CHSY3: variants seen among roughly 807,000 people sequenced by gnomAD.
CHSY3 encodes the protein N-acetylgalactosaminyl-proteoglycan 3-beta-glucuronosyltransferase 3.
A neutral mutation model predicts 67.2 loss-of-function variants in CHSY3; 35 were observed. The ratio of observed to expected loss-of-function variants is 0.52; its 90% CI spans 0.40 to 0.69. CHSY3 has a LOEUF of 0.69. Ranked by LOEUF, CHSY3 falls within the 30% of genes least tolerant of loss-of-function variation. The probability of loss-of-function intolerance (pLI) is 0.00; values close to 1 mark genes in which losing one functional copy is unlikely to be tolerated. For synonymous variants in CHSY3, 474 were observed against 434.7 expected (o/e 1.09, Z -1.12); for missense variants, 1,069 against 1,138.5 (o/e 0.94, Z 0.88).
intron 2 of CHSY3, among the ~76,000 whole-genome samples, chr5:130,039,588 G>A (rs1764954240): frequency 7.1e-6 from 1 of 140,128 alleles, no homozygotes; most frequent in African/African-American, 2.5e-5. Flanking sequence ...TTTGAGACAG[G>A]GAGTGCAGTG....
At chr5:129,910,220 C>T (rs1760488585) in intron 2 of CHSY3, among the ~76,000 whole-genome samples, 1 of 151,928 alleles carries the variant, frequency 6.6e-6, no homozygotes, top group East Asian at 1.9e-4. Flanking sequence ...AAAAGAGATT[C>T]CAAGTCTTAC....
chr5:130,118,489 A>G (rs776301857), intron 2 of CHSY3, among the ~76,000 whole-genome samples: 18 of 148,748 alleles, frequency 1.2e-4, no homozygotes, highest in South Asian at 4.2e-4. Context: ...TAATGTATAT[A>G]TGTGTGTGTG....
At chr5:130,149,160 A>G (rs117826619) in intron 2 of CHSY3, among the ~76,000 whole-genome samples, 9 of 152,092 alleles carry the variant, frequency 5.9e-5, no homozygotes, top group East Asian at 1.9e-4. Flanking sequence ...CTCTTACCCA[A>G]TTGCAAAGTT....
chr5:130,000,417 A>T (rs1286675153), intron 2 of CHSY3, among the ~76,000 whole-genome samples: 2 of 152,218 alleles, frequency 1.3e-5, no homozygotes, highest in Admixed American at 6.5e-5. Flanking sequence ...TTTAAACTTT[A>T]TAAAAAATAT....
At chr5:129,920,334 C>A (rs1760878350) in intron 2 of CHSY3, among the ~76,000 whole-genome samples, 1 of 152,244 alleles carries the variant, frequency 6.6e-6, no homozygotes, top group Admixed American at 6.5e-5. Context: ...CAACCTCCGC[C>A]TCCCAAGTTC....
At chr5:129,937,826 C>T (rs540502747) in intron 2 of CHSY3, among the ~76,000 whole-genome samples, 4 of 152,152 alleles carry the variant, frequency 2.6e-5, no homozygotes, top group Non-Finnish European at 5.9e-5. Flanking sequence ...TGTCTCACAT[C>T]CAGGCTACAC....
intron 2 of CHSY3, among the ~76,000 whole-genome samples, chr5:129,974,598 T>C (rs1161335301): frequency 6.6e-6 from 1 of 152,154 alleles, no homozygotes; most frequent in Non-Finnish European, 1.5e-5. Context: ...GTGGTTGGGT[T>C]GCTGGTGCTC....
chr5:130,108,866 A>G (rs925071708), intron 2 of CHSY3, among the ~76,000 whole-genome samples: 3 of 151,702 alleles, frequency 2.0e-5, no homozygotes, highest in African/African-American at 7.2e-5. Context: ...CACCCAGAAT[A>G]GTCCTTTTGT....
chr5:130,151,994 T>G (rs542103984), intron 2 of CHSY3, among the ~76,000 whole-genome samples: 24 of 152,340 alleles, frequency 1.6e-4, no homozygotes, highest in Admixed American at 7.8e-4. Context: ...TGAGGACATA[T>G]CTATGCCAGG....
intron 2 of CHSY3, among the ~76,000 whole-genome samples, chr5:129,912,653 G>A (rs569492861): frequency 8.5e-5 from 13 of 152,252 alleles, no homozygotes; most frequent in Admixed American, 7.2e-4. Context: ...GTAAATTAAT[G>A]TGCTCATATA....
chr5:130,069,668 G>A (rs1258015622), intron 2 of CHSY3, among the ~76,000 whole-genome samples: 1 of 151,774 alleles, frequency 6.6e-6, no homozygotes, highest in Non-Finnish European at 1.5e-5. Flanking sequence ...TATCATATAT[G>A]ATTTGAATCT....
chr5:130,104,079 AGTTT>A (rs1767338317), intron 2 of CHSY3, among the ~76,000 whole-genome samples: 1 of 151,778 alleles, frequency 6.6e-6, no homozygotes, highest in South Asian at 2.1e-4. Flanking sequence ...TGTTACCTTT[AGTTT>A]AGTTTTTTGG....
intron 2 of CHSY3, among the ~76,000 whole-genome samples, chr5:129,963,088 G>A (rs775721590): frequency 1.1e-4 from 17 of 151,668 alleles, no homozygotes; most frequent in Non-Finnish European, 1.9e-4. Context: ...ACTTGTAATC[G>A]GTCTAGCAAA....
chr5:130,099,957 T>A (rs1767174739), intron 2 of CHSY3, among the ~76,000 whole-genome samples: 1 of 151,942 alleles, frequency 6.6e-6, no homozygotes, highest in South Asian at 2.1e-4. Context: ...AGTCCCTGGG[T>A]ATCTTGTCTC....
At chr5:130,010,938 A>AT (rs1337851155) in intron 2 of CHSY3, among the ~76,000 whole-genome samples, 1 of 98,714 alleles carries the variant, frequency 1.0e-5, no homozygotes, top group Non-Finnish European at 2.3e-5. Flanking sequence ...AGAAATTAAA[A>AT]CCCGAAAAGA....
At chr5:130,009,671 A>AC (rs1763990303) in intron 2 of CHSY3, among the ~76,000 whole-genome samples, 2 of 152,140 alleles carry the variant, frequency 1.3e-5, no homozygotes, top group Non-Finnish European at 2.9e-5. Context: ...TGGGCTGAAC[A>AC]CCCCATTTAA....
At chr5:130,069,736 G>A (rs1766000736) in intron 2 of CHSY3, among the ~76,000 whole-genome samples, 2 of 151,934 alleles carry the variant, frequency 1.3e-5, no homozygotes, top group South Asian at 4.1e-4. Flanking sequence ...ATTCCAGACT[G>A]TGCTCTAGAT....
At chr5:130,169,879 T>C (rs1315553666) in intron 2 of CHSY3, among the ~76,000 whole-genome samples, 1 of 152,118 alleles carries the variant, frequency 6.6e-6, no homozygotes, top group Non-Finnish European at 1.5e-5. Context: ...AGTGACATCA[T>C]ACACTCATAT....
chr5:130,057,928 G>A (rs1202630612), intron 2 of CHSY3, among the ~76,000 whole-genome samples: 1 of 151,708 alleles, frequency 6.6e-6, no homozygotes, highest in Non-Finnish European at 1.5e-5. Flanking sequence ...GAGAGAGACA[G>A]AGAGATACAG....
Sources: gnomAD v4.1 joint callset for allele counts (sites outside exome capture counted in the v4.1 genomes callset) on GRCh38, gnomAD v4.1.1 for gene constraint, MANE v1.5 for transcripts, NCBI Gene and HGNC (gene_info 2026-07-23, HGNC 2026-07-21) for gene names.